HIBADH: variants seen among roughly 807,000 people sequenced by gnomAD.
HIBADH encodes the protein 3-hydroxyisobutyrate dehydrogenase, also known as 3-hydroxyisobutyrate dehydrogenase, mitochondrial.
Under a neutral mutation model 36.1 loss-of-function variants are expected in HIBADH, and 25 were observed. That is an observed-to-expected ratio of 0.69 (90% CI 0.50 to 0.97). The LOEUF is 0.97. Ranked by LOEUF, HIBADH falls within the 50% of genes least tolerant of loss-of-function variation. The probability of loss-of-function intolerance (pLI) is 0.00; values close to 1 mark genes in which losing one functional copy is unlikely to be tolerated. For synonymous variants in HIBADH, 160 were observed against 149.5 expected (o/e 1.07, Z -0.51); for missense variants, 421 against 418.0 (o/e 1.01, Z -0.06).
At position 27,526,337 on chromosome 7, in the gene HIBADH, T is replaced by C. The variant is rs1783896158; in HGVS notation, c.888A>G (p.Thr296=). The C allele has an allele frequency of 1.2e-6, 2 of 1,613,062 alleles. No homozygotes were observed. Among genetic ancestry groups the C allele is most frequent in the Middle Eastern group, 1.7e-4 (1 of 6,058 alleles). ...LGLAQDSATS[T]KSPILLGSLA... Reference sequence around the variant, plus strand: ...GACTGCCAAGAAGGATTGGGCTCTTTGTGCTGGTAGCAGAGTCTTGTGCCA... The same window carrying C: ...GACTGCCAAGAAGGATTGGGCTCTTCGTGCTGGTAGCAGAGTCTTGTGCCA... Residue 296 remains threonine (T), a synonymous_variant, in exon 8 of 8, where the codon ACA becomes ACG. Transcript: ENST00000265395.
chr7:27,638,689 CTA>C (rs146760428), intron 2 of HIBADH, among the ~76,000 whole-genome samples: 5,086 of 152,182 alleles, frequency 0.033, 257 homozygotes, highest in African/African-American at 0.12. Context: ...TGTTTGCAAA[CTA>C]TGCATCCCAC....
intron 4 of HIBADH, among the ~76,000 whole-genome samples, chr7:27,578,666 G>C (rs181058148): frequency 6.6e-6 from 1 of 152,218 alleles, no homozygotes; most frequent in East Asian, 1.9e-4. Context: ...ATTATATTTA[G>C]AGCGCATATT....
At chr7:27,619,239 C>T (rs1282668785) in intron 4 of HIBADH, among the ~76,000 whole-genome samples, 4 of 152,180 alleles carry the variant, frequency 2.6e-5, no homozygotes, top group African/African-American at 4.8e-5. Flanking sequence ...GACTATAATA[C>T]TGCATGCAAC....
chr7:27,651,262 C>CT (rs1164511024), intron 1 of HIBADH, among the ~76,000 whole-genome samples: 2 of 152,140 alleles, frequency 1.3e-5, no homozygotes, highest in Non-Finnish European at 2.9e-5. Context: ...TATTTAATTC[C>CT]TTTAACTTAA....
intron 1 of HIBADH, among the ~76,000 whole-genome samples, chr7:27,659,713 G>C (rs1786378344): frequency 6.6e-6 from 1 of 151,648 alleles, no homozygotes. Flanking sequence ...GAGAGAGAGA[G>C]AGACCCCATC....
At chr7:27,542,935 T>C in intron 5 of HIBADH, 32 bp downstream of exon 5, 2 of 1,598,476 alleles carry the variant, frequency 1.3e-6, no homozygotes, top group South Asian at 1.1e-5. Flanking sequence ...TTTTACATCA[T>C]CAAGTCAAGG....
At chr7:27,547,230 T>C (rs558073514) in intron 4 of HIBADH, among the ~76,000 whole-genome samples, 1 of 152,316 alleles carries the variant, frequency 6.6e-6, no homozygotes, top group South Asian at 2.1e-4. Flanking sequence ...TTGCTATTCC[T>C]TTTGCCTGAA....
rs59528293 is a variant in HIBADH, at chr7:27,636,068, A to G, written c.253-3623T>C. 4.9e-3 allele frequency among the ~76,000 whole-genome samples: 747 copies of G among 152,358 alleles called. 6 individuals carry two copies. The highest frequency in any genetic ancestry group is 0.017 in the African/African-American group (718 of 41,594). On this transcript the variant is annotated intron_variant, in intron 2 of 7. Transcript: ENST00000265395. ...TAAATTAAAAATCTGTTTAATAACA[A>G]AAAATCTGCTTTGCAGCATGAGGAG...
chr7:27,566,936 G>T (rs1046300335), intron 4 of HIBADH, among the ~76,000 whole-genome samples: 1 of 152,082 alleles, frequency 6.6e-6, no homozygotes, highest in African/African-American at 2.4e-5. Context: ...AATTGTTAAG[G>T]GTGGTTTTGA....
chr7:27,618,754 C>G (rs1274117376), intron 4 of HIBADH, among the ~76,000 whole-genome samples: 1 of 152,134 alleles, frequency 6.6e-6, no homozygotes, highest in East Asian at 1.9e-4. Context: ...AGCATCTGCA[C>G]AGCTTTTGGA....
intron 1 of HIBADH, among the ~76,000 whole-genome samples, chr7:27,656,480 T>C (rs531127290): frequency 6.6e-6 from 1 of 152,200 alleles, no homozygotes; most frequent in African/African-American, 2.4e-5. Context: ...AAAGGTGACA[T>C]TTATCTAAAA....
At position 27,526,192 on chromosome 7, in the gene HIBADH, T is replaced by G; in HGVS notation, c.*22A>C. 6.3e-7 allele frequency: 1 copy of G among 1,583,094 alleles called. No homozygotes were observed. The highest frequency in any genetic ancestry group is 2.3e-5 in the East Asian group (1 of 43,538). ...CAAGACAGAGTTTGGTTCCCAACAG[T>G]GTCCGTGGCCAAAGGGCACACTCAG... On this transcript the variant is annotated 3_prime_UTR_variant, in exon 8 of 8. Transcript: ENST00000265395.
At chr7:27,612,150 CT>C (rs1785331962) in intron 4 of HIBADH, among the ~76,000 whole-genome samples, 1 of 152,096 alleles carries the variant, frequency 6.6e-6, no homozygotes, top group South Asian at 2.1e-4. Flanking sequence ...AGGCAAGTCC[CT>C]TGTGGTGAAG....
chr7:27,568,624 A>AT (rs201618024), intron 4 of HIBADH, among the ~76,000 whole-genome samples: 19 of 151,530 alleles, frequency 1.3e-4, no homozygotes, highest in Admixed American at 1.1e-3. Context: ...GGCCCAGCTA[A>AT]TTTTTTTTTA....
chr7:27,651,812 T>C (rs1786200809), intron 1 of HIBADH, among the ~76,000 whole-genome samples: 1 of 152,092 alleles, frequency 6.6e-6, no homozygotes, highest in African/African-American at 2.4e-5. Context: ...ATAAACCATG[T>C]ACATAAACAC....
At chr7:27,555,354 A>G (rs553557387) in intron 4 of HIBADH, among the ~76,000 whole-genome samples, 2 of 136,668 alleles carry the variant, frequency 1.5e-5, no homozygotes, top group East Asian at 4.3e-4. Flanking sequence ...ACATAAACCT[A>G]TTATGGATAA....
In HIBADH at chr7:27,538,409, C is replaced by A. The variant is rs767150190; in HGVS notation, c.627G>T (p.Lys209Asn). The A allele has an allele frequency of 6.2e-7, 1 of 1,612,602 alleles. No individual in the cohort carries two copies. Among genetic ancestry groups the A allele is most frequent in the Non-Finnish European group, 8.5e-7 (1 of 1,179,066 alleles). Residue 209 changes from lysine to asparagine, a missense_variant, in exon 6 of 8, where the codon AAG (lysine) becomes AAT (asparagine). By Grantham distance (94) the Lys-to-Asn change is moderately conservative (BLOSUM62 0). Transcript: ENST00000265395. ...CGAVGTGQAA[K>N]ICNNMLLAIS... ...TAGCTAACAGCATGTTGTTGCAGAT[C>A]TTTGCCGCCTGAAAATAAATTGAGT...
chr7:27,548,943 A>T (rs1562617584), intron 4 of HIBADH, among the ~76,000 whole-genome samples: 1 of 152,180 alleles, frequency 6.6e-6, no homozygotes, highest in Non-Finnish European at 1.5e-5. Context: ...CTTGCTGTCA[A>T]CTGTAGGTAG....
At chr7:27,609,989 A>G (rs959089747) in intron 4 of HIBADH, among the ~76,000 whole-genome samples, 13 of 151,590 alleles carry the variant, frequency 8.6e-5, no homozygotes, top group Non-Finnish European at 1.0e-4. Flanking sequence ...GCTAATTTTT[A>G]TATTTTTTTA....
Sources: allele counts gnomAD v4.1 joint callset (sites outside exome capture counted in the v4.1 genomes callset), GRCh38; gene constraint gnomAD v4.1.1; transcripts MANE v1.5; gene names NCBI Gene and HGNC (gene_info 2026-07-23, HGNC 2026-07-21).